PVALEF: variants seen among roughly 807,000 people sequenced by gnomAD.
PVALEF encodes parvalbumin-like EF-hand-containing protein.
PVALEF carries 2 observed loss-of-function variants against 1.2 expected under a neutral mutation model. The ratio of observed to expected loss-of-function variants is 1.68; its 90% CI spans 0.69 to 5.28. The LOEUF is 5.28. PVALEF is among the 30% of genes most tolerant of loss of function. The pLI, the probability that PVALEF is intolerant of heterozygous loss-of-function variation, is 0.06. For missense variants in PVALEF, 35 were observed against 17.7 expected (o/e 1.97, Z -1.75); for synonymous variants, 16 against 6.5 (o/e 2.47, Z -2.24).
chr17:81,168,986 C>T (rs1055685384), intron 2 of PVALEF, among the ~76,000 whole-genome samples: 2 of 152,260 alleles, frequency 1.3e-5, no homozygotes, highest in African/African-American at 4.8e-5. Flanking sequence ...ATGCATGACA[C>T]ATGCTACCAC....
chr17:81,171,551 A>G lies in PVALEF; in HGVS notation c.-340+4707A>G, dbSNP rs531250904. On this transcript the variant is annotated intron_variant, in intron 2 of 6. Coordinates refer to ENST00000637878, the MANE Select transcript of PVALEF (RefSeq NM_001354639.2). ...CTGTTACCTAGGCTGGAGTGCAGTGACGCCATCTCGGCTCACTGCAAGCTC... is the reference window on the plus strand; with the variant it reads ...CTGTTACCTAGGCTGGAGTGCAGTGGCGCCATCTCGGCTCACTGCAAGCTC... Among the ~76,000 whole-genome samples the G allele has an allele frequency of 2.6e-5, 4 of 152,184 alleles. No homozygotes were observed. In the East Asian group the frequency reaches 5.8e-4, roughly 22 times the overall value.
intron 1 of PVALEF, 123 bp downstream of exon 1, chr17:81,165,870 GGCCC>G: frequency 1.3e-6 from 2 of 1,540,136 alleles, no homozygotes; most frequent in Non-Finnish European, 1.8e-6. Flanking sequence ...GGAGCCGTGG[GGCCC>G]AGGGGCATCA....
intron 2 of PVALEF, among the ~76,000 whole-genome samples, chr17:81,178,301 G>A (rs1012735005): frequency 2.0e-5 from 3 of 152,064 alleles, no homozygotes; most frequent in African/African-American, 7.3e-5. Flanking sequence ...AGGCCCCCCC[G>A]ACCCCGGCAG....
intron 1 of PVALEF, chr17:81,165,971 G>A: frequency 6.3e-7 from 1 of 1,585,690 alleles, no homozygotes; most frequent in Non-Finnish European, 8.6e-7. Flanking sequence ...GCGAAGCTGG[G>A]GTTGAAGAAG....
chr17:81,181,557 A>G lies in PVALEF; in HGVS notation c.107-2A>G, dbSNP rs2061554232. On this transcript the variant is annotated splice_acceptor_variant, in intron 4 of 6. Transcript: ENST00000637878. LOFTEE classifies it high-confidence loss of function. ...TCCGTGAGCCCCGCCTGGTTGCCCC[A>G]GGGTCCTTCAACTACCTCAAGTTCT... The G allele has an allele frequency of 2.2e-6, 1 of 458,408 alleles. No individual in the cohort carries two copies. The highest frequency in any genetic ancestry group is 5.3e-5 in the South Asian group (1 of 18,722). The allele number at this position is 458,408 out of a possible 1,614,324, so 28.4% of individuals were successfully genotyped here.
chr17:81,174,259 C>T (rs1025258352), intron 2 of PVALEF, among the ~76,000 whole-genome samples: 4 of 152,184 alleles, frequency 2.6e-5, no homozygotes, highest in African/African-American at 9.7e-5. Context: ...TCTCGCCACT[C>T]CTGTTCAACA....
intron 2 of PVALEF, among the ~76,000 whole-genome samples, chr17:81,178,395 C>A (rs73370035): frequency 0.027 from 4,083 of 152,288 alleles, 180 homozygotes; most frequent in African/African-American, 0.094. Flanking sequence ...CACCACCCTC[C>A]CTGGCAGAAG....
rs563836991 is a variant in PVALEF at position 81,179,005 on chromosome 17, G to A, written c.-252G>A. On this transcript the variant is annotated 5_prime_UTR_variant, in exon 3 of 7. It adds an upstream start codon to the 5' untranslated region. Transcript: ENST00000637878. ...GCCTGCGAGCCCCTGGGAGCTGCCCGTGCCAGGCTGGAGTGCCGGGGAGGG... is the reference window on the plus strand; with the variant it reads ...GCCTGCGAGCCCCTGGGAGCTGCCCATGCCAGGCTGGAGTGCCGGGGAGGG... 32 of 442,956 alleles carry A rather than the reference G, an allele frequency of 7.2e-5. No homozygotes were observed. Among genetic ancestry groups the A allele is most frequent in the South Asian group, 3.4e-4 (21 of 62,566 alleles). The allele number at this position is 442,956 out of a possible 1,614,324, so 27.4% of individuals were successfully genotyped here. A position where few individuals can be genotyped will look rare whatever the true frequency, so the allele number is the denominator to read the frequency against.
chr17:81,178,911 G>T lies in PVALEF; in HGVS notation c.-339-7G>T. ...GTGCCCTCTCTTCCTCCCTAACCCC[G>T]CCCCAGGTTTGGGGAGGCCAGGCAC... On this transcript the variant is annotated splice_region_variant and splice_polypyrimidine_tract_variant and intron_variant, in intron 2 of 6. Transcript: ENST00000637878. 1 of 217,546 alleles carries T rather than the reference G, an allele frequency of 4.6e-6. No individual in the cohort carries two copies. 13.5% of individuals were successfully genotyped at this position (217,546 alleles called of 1,614,324 possible). A position where few individuals can be genotyped will look rare whatever the true frequency, so the allele number is the denominator to read the frequency against.
chr17:81,178,371 G>T (rs958507707), intron 2 of PVALEF, among the ~76,000 whole-genome samples: 2 of 152,138 alleles, frequency 1.3e-5, no homozygotes, highest in African/African-American at 4.8e-5. Flanking sequence ...ACCCCACAGG[G>T]GCAGGGCTGT....
chr17:81,176,063 A>C (rs1014423938), intron 2 of PVALEF, among the ~76,000 whole-genome samples: 2 of 152,256 alleles, frequency 1.3e-5, no homozygotes, highest in Non-Finnish European at 2.9e-5. Context: ...GAGAGAACAT[A>C]TGAAGAACTC....
intron 1 of PVALEF, among the ~76,000 whole-genome samples, 170 bp from the exon 2 acceptor site, chr17:81,166,507 G>GT (rs1284537554): frequency 1.0e-5 from 1 of 98,912 alleles, no homozygotes; most frequent in African/African-American, 3.7e-5. Context: ...GGCTGGCGGG[G>GT]GGGGGGGAAA....
At chr17:81,166,507 G>GGGC (rs1598243470) in intron 1 of PVALEF, among the ~76,000 whole-genome samples, 170 bp from the exon 2 acceptor site, 2 of 98,912 alleles carry the variant, frequency 2.0e-5, no homozygotes, top group East Asian at 4.3e-4. Context: ...GGCTGGCGGG[G>GGGC]GGGGGGGAAA....
chr17:81,179,274 G>A (rs895381561), intron 3 of PVALEF, 122 bp downstream of exon 3: 5 of 238,332 alleles, frequency 2.1e-5, no homozygotes, highest in African/African-American at 9.2e-5. Context: ...GAGACCCCAG[G>A]GGACCCAGGG....
chr17:81,165,778 C>A (rs1265106930), intron 1 of PVALEF, 31 bp downstream of exon 1: 5 of 1,507,994 alleles, frequency 3.3e-6, no homozygotes, highest in Non-Finnish European at 4.5e-6. Flanking sequence ...CCTGCCCCTC[C>A]GAGATCTGGG....
In PVALEF at chr17:81,165,872, C is replaced by T. The variant is rs573766598; in HGVS notation, c.-508+125C>T. On this transcript the variant is annotated intron_variant, in intron 1 of 6. Coordinates refer to ENST00000637878, the MANE Select transcript of PVALEF (RefSeq NM_001354639.2). ...TCCATGCAAACCGGGAGCCGTGGGG[C>T]CCAGGGGCATCACGTCCGCAGCGGA... is the stretch of plus-strand genomic sequence containing the variant. 1.2e-3 allele frequency: 1,902 copies of T among 1,545,114 alleles called. 41 individuals are homozygous for T. In the South Asian group the frequency reaches 0.021, roughly 17 times the overall value.
chr17:81,171,035 T>C lies in PVALEF; in HGVS notation c.-340+4191T>C, dbSNP rs1598247325. 2.6e-5 allele frequency among the ~76,000 whole-genome samples: 4 copies of C among 152,114 alleles called. No individual in the cohort carries two copies. The South Asian group carries it at 8.3e-4, about 32-fold the overall frequency. ...CCCGCAGTTGTTTCAGGCAGGAAGG[T>C]GGGCAGTGCCAACCCTGCGGGGGTC... On this transcript the variant is annotated intron_variant, in intron 2 of 6. Transcript: ENST00000637878.
intron 1 of PVALEF, chr17:81,165,987 CGACATGGCCGGGCCAGCGGCCGGCG>C: frequency 1.9e-6 from 3 of 1,578,618 alleles, no homozygotes; most frequent in African/African-American, 2.7e-5. Context: ...AGAAGGACGA[CGACATGGCCGGGCCAGCGGCCGGCG>C]GGCATCCCGG....
chr17:81,181,506 G>T, intron 4 of PVALEF, 53 bp from the exon 5 acceptor site: 1 of 486,216 alleles, frequency 2.1e-6, no homozygotes, highest in Non-Finnish European at 3.6e-6. Flanking sequence ...CTTCCCTGGA[G>T]GCCCAGCTCA....
Sources: gnomAD v4.1 joint callset for allele counts (sites outside exome capture counted in the v4.1 genomes callset) on GRCh38, gnomAD v4.1.1 for gene constraint, MANE v1.5 for transcripts, NCBI Gene and HGNC (gene_info 2026-07-23, HGNC 2026-07-21) for gene names.